The following CENPU variants were observed in gnomAD, a reference collection of about 807,000 sequenced individuals.
The protein encoded by CENPU is KSHV latent nuclear antigen interacting protein 1.
CENPU carries 46 observed loss-of-function variants against 56.7 expected under a neutral mutation model. The ratio of observed to expected loss-of-function variants is 0.81; its 90% CI spans 0.64 to 1.04. CENPU has a LOEUF of 1.04. Ranked by LOEUF, CENPU falls within the 50% of genes least tolerant of loss-of-function variation. The pLI is 0.00. For missense variants in CENPU, 510 were observed against 490.1 expected (o/e 1.04, Z -0.38); for synonymous variants, 166 against 163.0 (o/e 1.02, Z -0.14).
intron 8 of CENPU, among the ~76,000 whole-genome samples, chr4:184,702,718 C>T (rs1760578047): frequency 6.6e-6 from 1 of 152,070 alleles, no homozygotes; most frequent in Admixed American, 6.6e-5. Context: ...TCCTTGAATC[C>T]CTCTGTCTCT....
intron 1 of CENPU, chr4:184,733,176 T>C: frequency 4.6e-6 from 1 of 215,078 alleles, no homozygotes; most frequent in Non-Finnish European, 8.0e-6. Flanking sequence ...CTTCTAATCC[T>C]TTTTTGCACT....
At chr4:184,733,040 G>A (rs980972674) in intron 1 of CENPU, among the ~76,000 whole-genome samples, 3 of 151,840 alleles carry the variant, frequency 2.0e-5, no homozygotes, top group South Asian at 2.1e-4. Flanking sequence ...GTTTTGGGAG[G>A]AGGCATGAAC....
chr4:184,697,904 C>A, intron 11 of CENPU, 101 bp from the exon 12 acceptor site: 1 of 783,134 alleles, frequency 1.3e-6, no homozygotes, highest in Non-Finnish European at 2.0e-6. Context: ...CGGGGCTGGC[C>A]AACTAGATGA....
rs750138736 is a variant in CENPU at position 184,694,533 on chromosome 4, T to TACA, written c.*752_*754dup. On this transcript the variant is annotated 3_prime_UTR_variant, in exon 13 of 13. Transcript: ENST00000281453. ...CCACTGAAATAAAGGAAGAAGAGTT[T>TACA]ACAACAGATGAAGCAGATGAAACTA... The TACA allele has an allele frequency of 1.2e-6, 2 of 1,611,400 alleles. No individual in the cohort carries two copies. Among genetic ancestry groups the TACA allele is most frequent in the Admixed American group, 1.7e-5 (1 of 59,934 alleles).
chr4:184,717,192 CTG>C lies in CENPU; in HGVS notation c.323_324del (p.Ser108Ter). On this transcript the variant is annotated frameshift_variant and splice_region_variant, in exon 5 of 13. Coordinates refer to ENST00000281453, the MANE Select transcript of CENPU (RefSeq NM_024629.4). LOFTEE classifies it high-confidence loss of function. Reference protein sequence around the residue: ...TPPGKEAKRSSDTSGNEASEI... With the variant: ...TPPGKEAKRSXDTSGNEASEI... ...TCACTTGCTTCATTTCCAGAAGTGT[CTG>C]AACTGTAAAAAGTACAAGCCATCAA... 1 of 1,611,378 alleles carries C rather than the reference CTG, an allele frequency of 6.2e-7. No homozygotes were observed. The highest frequency in any genetic ancestry group is 8.5e-7 in the Non-Finnish European group (1 of 1,179,136).
At chr4:184,733,480 C>G in intron 1 of CENPU, 1 of 903,174 alleles carries the variant, frequency 1.1e-6, no homozygotes, top group African/African-American at 1.8e-5. Flanking sequence ...GTTTTGCAAC[C>G]GACCAAACGC....
intron 11 of CENPU, among the ~76,000 whole-genome samples, chr4:184,699,163 TAA>T (rs1760442920): frequency 1.3e-5 from 2 of 151,504 alleles, no homozygotes; most frequent in Admixed American, 1.3e-4. Flanking sequence ...CTGTCTCTAC[TAA>T]AAATACAAAA....
intron 6 of CENPU, among the ~76,000 whole-genome samples, chr4:184,715,797 T>C (rs947629785): frequency 2.0e-5 from 3 of 152,190 alleles, no homozygotes; most frequent in Non-Finnish European, 4.4e-5. Flanking sequence ...TACTTAATAA[T>C]AAGTATATGA....
Position 184,700,865 on chromosome 4 carries a change from T to G in CENPU, c.941A>C (p.Glu314Ala). 6.2e-7 allele frequency: 1 copy of G among 1,613,488 alleles called. No homozygotes were observed. The highest frequency in any genetic ancestry group is 8.5e-7 in the Non-Finnish European group (1 of 1,179,370). ...RKNAKMISDI[E>A]KKRQRMIEVQ... ...TTCAATCATACGCTGCCTTTTCTTT[T>G]CGATATCTGAAATCATCTAAGTAAC... The change falls in exon 11 of 13, where the codon GAA (glutamate) becomes GCA (alanine). Residue 314 changes from glutamate (E) to alanine (A), a missense_variant. Coordinates refer to ENST00000281453, the MANE Select transcript of CENPU (RefSeq NM_024629.4).
chr4:184,725,665 C>T (rs1761426083), intron 3 of CENPU, among the ~76,000 whole-genome samples: 1 of 152,184 alleles, frequency 6.6e-6, no homozygotes, highest in South Asian at 2.1e-4. Context: ...TCACAAAGTA[C>T]CCTGCATATA....
intron 5 of CENPU, 150 bp downstream of exon 5, chr4:184,716,986 G>A (rs1761116080): frequency 3.2e-6 from 2 of 625,358 alleles, no homozygotes; most frequent in African/African-American, 3.7e-5. Flanking sequence ...CCTAAAAATA[G>A]AACTTTATGA....
intron 4 of CENPU, among the ~76,000 whole-genome samples, chr4:184,721,859 A>G (rs1296395814): frequency 6.6e-6 from 1 of 152,222 alleles, no homozygotes; most frequent in Non-Finnish European, 1.5e-5. Flanking sequence ...CAATCAATAA[A>G]GAAACAGCAG....
intron 12 of CENPU, among the ~76,000 whole-genome samples, chr4:184,697,437 T>G (rs778712764): frequency 1.3e-5 from 2 of 152,182 alleles, no homozygotes; most frequent in Non-Finnish European, 2.9e-5. Context: ...CAATCAGCAA[T>G]TCTAGACATT....
intron 4 of CENPU, among the ~76,000 whole-genome samples, chr4:184,719,397 A>G (rs1342255932): frequency 6.6e-6 from 1 of 152,210 alleles, no homozygotes. Flanking sequence ...GTCCTGTAAC[A>G]GTGGAAAGCA....
At position 184,694,255 on chromosome 4, in the gene CENPU, C is replaced by T. The variant is rs1378750537; in HGVS notation, c.*1033G>A. 1.6e-5 allele frequency: 19 copies of T among 1,152,752 alleles called. No homozygotes were observed. Among genetic ancestry groups the T allele is most frequent in the Middle Eastern group, 3.6e-4 (1 of 2,740 alleles). 71.4% of individuals were successfully genotyped at this position (1,152,752 alleles called of 1,614,324 possible). A position where few individuals can be genotyped will look rare whatever the true frequency, so the allele number is the denominator to read the frequency against. Reference sequence around the variant, plus strand: ...AAAATTAAATCCACCCTTGCTCTTCCGTCGGGGAGTATTGAAAAGTATGTG... The same window carrying T: ...AAAATTAAATCCACCCTTGCTCTTCTGTCGGGGAGTATTGAAAAGTATGTG... On this transcript the variant is annotated 3_prime_UTR_variant, in exon 13 of 13. Coordinates refer to ENST00000281453, the MANE Select transcript of CENPU (RefSeq NM_024629.4).
At position 184,724,956 on chromosome 4, in the gene CENPU, C is replaced by G; in HGVS notation, c.320+1G>C. 1 of 1,588,762 alleles carries G rather than the reference C, an allele frequency of 6.3e-7. No homozygotes were observed. Among genetic ancestry groups the G allele is most frequent in the Non-Finnish European group, 8.6e-7 (1 of 1,159,804 alleles). Reference sequence around the variant, plus strand: ...AACAATTGCTTGAAATACACCAGTACCTTCTTTTTGCTTCTTTTCCTGGAG... The same window carrying G: ...AACAATTGCTTGAAATACACCAGTAGCTTCTTTTTGCTTCTTTTCCTGGAG... On this transcript the variant is annotated splice_donor_variant, in intron 4 of 12. Coordinates refer to ENST00000281453, the MANE Select transcript of CENPU (RefSeq NM_024629.4). LOFTEE classifies it high-confidence loss of function.
rs919277873 is a variant in CENPU, at chr4:184,697,521, A to G, written c.1143+126T>C. The G allele has an allele frequency of 5.7e-6, 5 of 869,726 alleles. No individual in the cohort carries two copies. In the African/African-American group the frequency reaches 7.2e-5, roughly 12 times the overall value. 53.9% of individuals were successfully genotyped at this position (869,726 alleles called of 1,614,324 possible). ...AGTTTCACTGGCTTATAGTGATACT[A>G]TTTTAGGTGGACTCTGTAATTCTGT... On this transcript the variant is annotated intron_variant, in intron 12 of 12. Transcript: ENST00000281453.
At chr4:184,704,860 T>C (rs1284392481) in intron 8 of CENPU, among the ~76,000 whole-genome samples, 1 of 152,172 alleles carries the variant, frequency 6.6e-6, no homozygotes, top group African/African-American at 2.4e-5. Context: ...GCTTAACAAG[T>C]TGCACACAGT....
rs750111733 is a variant in CENPU at position 184,716,529 on chromosome 4, A to C, written c.486T>G (p.His162Gln). ...AAGACGCTGTGGTTCGAATAACCTC[A>C]TGACGTTGTGTACTTATTTTCTCTG... is the stretch of plus-strand genomic sequence containing the variant. ...KSAEKISTQR[H>Q]EVIRTTASSE... The change falls in exon 6 of 13, where the codon CAT becomes CAG. Residue 162 changes from histidine to glutamine, a missense_variant. Transcript: ENST00000281453. 2 of 1,614,036 alleles carry C rather than the reference A, an allele frequency of 1.2e-6. No individual in the cohort carries two copies. Among genetic ancestry groups the C allele is most frequent in the African/African-American group, 1.3e-5 (1 of 74,924 alleles).
Sources: gnomAD v4.1 joint callset for allele counts (sites outside exome capture counted in the v4.1 genomes callset) on GRCh38, gnomAD v4.1.1 for gene constraint, MANE v1.5 for transcripts, NCBI Gene and HGNC (gene_info 2026-07-23, HGNC 2026-07-21) for gene names.